The following ADCY2 variants were observed in gnomAD, a reference collection of about 807,000 sequenced individuals.
ADCY2 encodes the protein adenylate cyclase 2, also known as adenylate cyclase type 2.
A neutral mutation model predicts 125.2 loss-of-function variants in ADCY2; 31 were observed. The observed-to-expected ratio is 0.25, with a 90% CI of 0.19 to 0.33. The LOEUF (loss-of-function observed/expected upper bound fraction) is 0.33, where lower values mean the gene tolerates loss of function less well. Among genes scored for constraint, ADCY2 ranks in the 10% least tolerant of loss-of-function variants. The pLI is 1.00. For missense variants in ADCY2, 904 were observed against 1,418.2 expected, an observed-to-expected ratio of 0.64 and a Z score of 5.82; for synonymous variants, 512 against 548.4, an observed-to-expected ratio of 0.93 and a Z score of 0.93.
intron 14 of ADCY2, 86 bp downstream of exon 14, chr5:7,727,347 C>A: frequency 1.8e-6 from 2 of 1,141,558 alleles, no homozygotes; most frequent in Non-Finnish European, 1.3e-6. Flanking sequence ...TGAAAGGATG[C>A]TAATGTTTAG....
intron 3 of ADCY2, among the ~76,000 whole-genome samples, chr5:7,589,515 GAAAAGAA>G (rs1736774125): frequency 1.8e-4 from 10 of 54,154 alleles, no homozygotes; most frequent in Admixed American, 4.7e-4. Flanking sequence ...AGAAAGAAAA[GAAAAGAA>G]AGAGAAAGAA....
chr5:7,778,779 T>C (rs1743822060), intron 18 of ADCY2, among the ~76,000 whole-genome samples: 1 of 152,174 alleles, frequency 6.6e-6, no homozygotes, highest in Non-Finnish European at 1.5e-5. Flanking sequence ...GAGGGATTGA[T>C]TGATGATGAA....
intron 1 of ADCY2, among the ~76,000 whole-genome samples, chr5:7,406,776 T>C (rs960714221): frequency 2.6e-5 from 4 of 152,230 alleles, no homozygotes; most frequent in African/African-American, 9.6e-5. Context: ...TTAGTTTTTT[T>C]TGAGGAACAC....
intron 4 of ADCY2, among the ~76,000 whole-genome samples, chr5:7,663,360 C>T (rs550641131): frequency 3.9e-5 from 6 of 152,342 alleles, no homozygotes; most frequent in African/African-American, 7.2e-5. Flanking sequence ...TCACGCCTAG[C>T]GTGAGAGTCA....
chr5:7,719,992 T>C (rs1297478343), intron 12 of ADCY2, among the ~76,000 whole-genome samples: 2 of 149,474 alleles, frequency 1.3e-5, no homozygotes, highest in African/African-American at 4.9e-5. Flanking sequence ...GAATTTCCTT[T>C]AGTTTCCGTA....
intron 2 of ADCY2, among the ~76,000 whole-genome samples, chr5:7,425,898 T>A (rs1362181047): frequency 6.6e-6 from 1 of 152,218 alleles, no homozygotes; most frequent in East Asian, 1.9e-4. Context: ...ATTTGTAGAA[T>A]GAGTTTGGGT....
At chr5:7,704,144 T>C (rs1579335472) in intron 7 of ADCY2, among the ~76,000 whole-genome samples, 1 of 152,160 alleles carries the variant, frequency 6.6e-6, no homozygotes, top group African/African-American at 2.4e-5. Context: ...TTCCCATTCA[T>C]TGAGCCGTGC....
At chr5:7,688,426 C>A (rs1408312316) in intron 4 of ADCY2, among the ~76,000 whole-genome samples, 1 of 128,734 alleles carries the variant, frequency 7.8e-6, no homozygotes, top group Non-Finnish European at 1.7e-5. Flanking sequence ...TGCCACCATG[C>A]CCAGCTAATT....
At chr5:7,444,069 G>A (rs911590320) in intron 2 of ADCY2, among the ~76,000 whole-genome samples, 1 of 149,860 alleles carries the variant, frequency 6.7e-6, no homozygotes, top group Non-Finnish European at 1.5e-5. Context: ...TTCTCTTCAA[G>A]CCCCTTTTGG....
At chr5:7,743,502 G>A (rs1742504839) in intron 14 of ADCY2, among the ~76,000 whole-genome samples, 166 bp from the exon 15 acceptor site, 1 of 152,152 alleles carries the variant, frequency 6.6e-6, no homozygotes, top group Admixed American at 6.5e-5. Flanking sequence ...CCTTTTCTAT[G>A]GACATGTATG....
At chr5:7,447,858 C>T (rs182471896) in intron 2 of ADCY2, among the ~76,000 whole-genome samples, 7 of 152,202 alleles carry the variant, frequency 4.6e-5, no homozygotes, top group Admixed American at 2.0e-4. Flanking sequence ...TCCAAAAGGC[C>T]GGAGCAGAGC....
At chr5:7,683,401 G>A (rs776822055) in intron 4 of ADCY2, among the ~76,000 whole-genome samples, 3 of 152,296 alleles carry the variant, frequency 2.0e-5, no homozygotes, top group Middle Eastern at 3.4e-3. Context: ...TAGGGTAAGC[G>A]GTGATAAAAA....
chr5:7,501,219 T>C (rs1281768561), intron 2 of ADCY2, among the ~76,000 whole-genome samples: 1 of 152,148 alleles, frequency 6.6e-6, no homozygotes, highest in East Asian at 1.9e-4. Flanking sequence ...GTGCTTGTTC[T>C]ATTCTATTTT....
At chr5:7,613,749 G>C (rs376202126) in intron 3 of ADCY2, among the ~76,000 whole-genome samples, 1 of 152,156 alleles carries the variant, frequency 6.6e-6, no homozygotes, top group Non-Finnish European at 1.5e-5. Context: ...ACAATTGTTC[G>C]TGCAGATGAC....
intron 3 of ADCY2, among the ~76,000 whole-genome samples, chr5:7,625,002 C>T (rs982803392): frequency 2.4e-4 from 36 of 152,214 alleles, no homozygotes; most frequent in Admixed American, 1.0e-3. Flanking sequence ...AGACCATTGT[C>T]ATACACTGTT....
intron 2 of ADCY2, among the ~76,000 whole-genome samples, chr5:7,479,220 C>T (rs771090119): frequency 1.3e-5 from 2 of 149,544 alleles, no homozygotes; most frequent in Non-Finnish European, 2.9e-5. Flanking sequence ...AAAAGGGGCA[C>T]GTTTGAATAA....
chr5:7,630,174 T>C (rs1176888857), intron 4 of ADCY2, among the ~76,000 whole-genome samples: 4 of 152,154 alleles, frequency 2.6e-5, no homozygotes, highest in South Asian at 4.1e-4. Flanking sequence ...CTGTAGTCTT[T>C]CTGGCTGTCC....
chr5:7,470,683 C>T (rs1742303690), intron 2 of ADCY2, among the ~76,000 whole-genome samples: 1 of 149,034 alleles, frequency 6.7e-6, no homozygotes, highest in African/African-American at 2.5e-5. Context: ...TTTTAATGGC[C>T]CAGAACATGT....
chr5:7,443,682 G>A (rs1284674966), intron 2 of ADCY2, among the ~76,000 whole-genome samples: 1 of 143,902 alleles, frequency 6.9e-6, no homozygotes, highest in Non-Finnish European at 1.5e-5. Flanking sequence ...ATACGTATGT[G>A]AGCACGTACA....
Sources: allele counts gnomAD v4.1 joint callset (sites outside exome capture counted in the v4.1 genomes callset), GRCh38; gene constraint gnomAD v4.1.1; transcripts MANE v1.5; gene names NCBI Gene and HGNC (gene_info 2026-07-23, HGNC 2026-07-21).